RSPO2: variants seen among roughly 807,000 people sequenced by gnomAD.
RSPO2 encodes the protein R-spondin-2.
RSPO2 carries 14 observed loss-of-function variants against 30.9 expected under a neutral mutation model. That is an observed-to-expected ratio of 0.45 (90% CI 0.30 to 0.71). RSPO2 has a LOEUF of 0.71. Ranked by LOEUF, RSPO2 falls within the 30% of genes least tolerant of loss-of-function variation. The pLI, the probability that RSPO2 is intolerant of heterozygous loss-of-function variation, is 0.08. For missense variants in RSPO2, 264 were observed against 301.9 expected, an observed-to-expected ratio of 0.87 and a Z score of 0.93; for synonymous variants, 107 against 96.4, an observed-to-expected ratio of 1.11 and a Z score of -0.64.
chr8:107,935,863 G>C (rs528535160), intron 5 of RSPO2, among the ~76,000 whole-genome samples: 2 of 152,176 alleles, frequency 1.3e-5, no homozygotes, highest in South Asian at 2.1e-4. Context: ...GGGTACATCT[G>C]AATATTTGTT....
At chr8:108,081,689 C>A (rs1404961708) in intron 2 of RSPO2, among the ~76,000 whole-genome samples, 1 of 152,102 alleles carries the variant, frequency 6.6e-6, no homozygotes, top group Non-Finnish European at 1.5e-5. Context: ...AAAGCGAGTT[C>A]CCCGAAACCT....
Position 107,900,063 on chromosome 8 carries a change from CAATTCTGTAGCTGGCCTGT to C in RSPO2, c.*993_*1011del, listed in dbSNP as rs1303587744. ...CAGTCAGAAATAATGTTTGTTTGGA[CAATTCTGTAGCTGGCCTGT>C]GAAACTGGCTACAAGTGACTGGATA... On this transcript the variant is annotated 3_prime_UTR_variant, in exon 6 of 6. Transcript: ENST00000276659. 1 of 152,166 alleles carries C rather than the reference CAATTCTGTAGCTGGCCTGT, an allele frequency of 6.6e-6. No homozygotes were observed. The highest frequency in any genetic ancestry group is 2.4e-5 in the African/African-American group (1 of 41,442). 9.4% of individuals were successfully genotyped at this position (152,166 alleles called of 1,614,324 possible). A position where few individuals can be genotyped will look rare whatever the true frequency, so the allele number is the denominator to read the frequency against.
intron 5 of RSPO2, among the ~76,000 whole-genome samples, chr8:107,924,659 AACAG>A (rs1213427067): frequency 6.6e-6 from 1 of 152,054 alleles, no homozygotes; most frequent in Non-Finnish European, 1.5e-5. Context: ...GGGATTGATG[AACAG>A]ACAAACTGAA....
At position 107,912,440 on chromosome 8, in the gene RSPO2, C is replaced by T. The variant is rs549322324; in HGVS notation, c.617-11250G>A. ...AGCAAGCAAGCAGAAATTAAGCTTC[C>T]AGTGTGGGGAGGCACACCCATGGGT... is the stretch of plus-strand genomic sequence containing the variant. On this transcript the variant is annotated intron_variant, in intron 5 of 5. Coordinates refer to ENST00000276659, the MANE Select transcript of RSPO2 (RefSeq NM_178565.5). 3.3e-5 allele frequency among the ~76,000 whole-genome samples: 5 copies of T among 152,206 alleles called. No individual in the cohort carries two copies. The East Asian group carries it at 7.8e-4, about 24-fold the overall frequency.
At chr8:107,984,071 TGCTTCATCTGGTGGACTGTGGGA>T (rs1814543656) in intron 3 of RSPO2, 1 of 521,304 alleles carries the variant, frequency 1.9e-6, no homozygotes, top group African/African-American at 2.0e-5. Flanking sequence ...ATCCCGGAAA[TGCTTCATCTGGTGGACTGTGGGA>T]GCAGAGGCAT....
intron 2 of RSPO2, among the ~76,000 whole-genome samples, chr8:108,031,587 A>G (rs2130635612): frequency 6.6e-6 from 1 of 152,360 alleles, no homozygotes; most frequent in African/African-American, 2.4e-5. Context: ...ATAAAAAACA[A>G]AACGGTAAAA....
At chr8:107,999,678 G>A (rs144979449) in intron 2 of RSPO2, among the ~76,000 whole-genome samples, 3,926 of 152,028 alleles carry the variant, frequency 0.026, 172 homozygotes, top group African/African-American at 0.09. Flanking sequence ...CAAGTGATCC[G>A]CCTGCCTCAG....
At chr8:108,021,758 C>T (rs1218269550) in intron 2 of RSPO2, among the ~76,000 whole-genome samples, 3 of 146,258 alleles carry the variant, frequency 2.1e-5, no homozygotes, top group Non-Finnish European at 3.0e-5. Flanking sequence ...CATCACACAC[C>T]GGGGCCTGTC....
At position 107,983,042 on chromosome 8, in the gene RSPO2, G is replaced by A. The variant is rs139962933; in HGVS notation, c.283+6014C>T. 4.2e-3 allele frequency: 4,499 copies of A among 1,080,098 alleles called. 172 individuals carry two copies. The South Asian group carries it at 0.066, about 16-fold the overall frequency. The allele number at this position is 1,080,098 out of a possible 1,614,324, so 66.9% of individuals were successfully genotyped here. A position where few individuals can be genotyped will look rare whatever the true frequency, so the allele number is the denominator to read the frequency against. ...GCCACAGTCTCTGCGGCTGTGTCAC[G>A]CTCCCCTGCAGTCCCCTCCATGTTC... On this transcript the variant is annotated intron_variant, in intron 3 of 5. Coordinates refer to ENST00000276659, the MANE Select transcript of RSPO2 (RefSeq NM_178565.5).
chr8:107,970,167 A>G (rs1234897635), intron 3 of RSPO2, among the ~76,000 whole-genome samples: 5 of 152,246 alleles, frequency 3.3e-5, no homozygotes, highest in Non-Finnish European at 5.9e-5. Flanking sequence ...CATGTCTGTC[A>G]TAACACAAAA....
intron 2 of RSPO2, among the ~76,000 whole-genome samples, chr8:108,054,046 T>C (rs1013762508): frequency 1.3e-5 from 2 of 152,214 alleles, no homozygotes; most frequent in African/African-American, 4.8e-5. Context: ...TTAGTATTTA[T>C]ATGATGCATT....
At chr8:108,036,342 G>C (rs917234438) in intron 2 of RSPO2, among the ~76,000 whole-genome samples, 1 of 152,188 alleles carries the variant, frequency 6.6e-6, no homozygotes, top group African/African-American at 2.4e-5. Flanking sequence ...CAGCACATCT[G>C]TTTACAGCAT....
At chr8:108,004,833 AT>A (rs1398992543) in intron 2 of RSPO2, among the ~76,000 whole-genome samples, 2 of 152,200 alleles carry the variant, frequency 1.3e-5, no homozygotes, top group Non-Finnish European at 2.9e-5. Context: ...ATCAGTATGT[AT>A]TTCCAAAAAC....
intron 2 of RSPO2, chr8:107,989,466 G>A (rs1220659571): frequency 3.6e-5 from 17 of 476,708 alleles, no homozygotes; most frequent in Non-Finnish European, 3.3e-5. Context: ...GCAGAGTTGA[G>A]GCCAGAAGCT....
intron 5 of RSPO2, among the ~76,000 whole-genome samples, chr8:107,949,764 G>T (rs1236275095): frequency 6.6e-6 from 1 of 152,160 alleles, no homozygotes; most frequent in Non-Finnish European, 1.5e-5. Context: ...ATTACTTAAT[G>T]AATACAATGT....
intron 2 of RSPO2, among the ~76,000 whole-genome samples, chr8:108,062,676 C>T (rs1812510394): frequency 6.6e-6 from 1 of 151,972 alleles, no homozygotes; most frequent in Admixed American, 6.5e-5. Context: ...CTCCCTAACT[C>T]ATTTTATGAG....
At chr8:107,951,034 G>A (rs565687576) in intron 5 of RSPO2, among the ~76,000 whole-genome samples, 21 of 105,262 alleles carry the variant, frequency 2.0e-4, no homozygotes, top group African/African-American at 6.4e-4. Context: ...GAGGCGATAG[G>A]GAGAATAAGT....
chr8:107,996,978 T>C (rs1815049670), intron 2 of RSPO2: 2 of 450,776 alleles, frequency 4.4e-6, no homozygotes, highest in Non-Finnish European at 8.9e-6. Context: ...GCAAAAGTGA[T>C]GTGAACCACA....
At chr8:107,937,745 A>T (rs1388430521) in intron 5 of RSPO2, among the ~76,000 whole-genome samples, 1 of 152,088 alleles carries the variant, frequency 6.6e-6, no homozygotes, top group Non-Finnish European at 1.5e-5. Flanking sequence ...AATCACCATA[A>T]TTCTTACCCC....
Sources: allele counts gnomAD v4.1 joint callset (sites outside exome capture counted in the v4.1 genomes callset), GRCh38; gene constraint gnomAD v4.1.1; transcripts MANE v1.5; gene names NCBI Gene and HGNC (gene_info 2026-07-23, HGNC 2026-07-21).